Variants in FANCA observed in about 807,000 individuals in gnomAD.
The protein encoded by FANCA is FA complementation group A, also known as Fanconi anemia group A protein.
In FANCA, 236 loss-of-function variants were observed where a neutral mutation model predicts 194.3. That is an observed-to-expected ratio of 1.21 (90% CI 1.09 to 1.35). The LOEUF (loss-of-function observed/expected upper bound fraction) is 1.35, where lower values mean the gene tolerates loss of function less well. Ranked by LOEUF, FANCA falls within the 40% of genes most tolerant of loss-of-function variation. The pLI is 0.00. For missense variants in FANCA, 2,628 were observed against 1,813.9 expected (o/e 1.45, Z -8.15); for synonymous variants, 1,014 against 715.8 (o/e 1.42, Z -6.65).
At position 89,799,653 on chromosome 16, in the gene FANCA, T is replaced by C. The variant is rs772612378; in HGVS notation, c.793-15A>G. On this transcript the variant is annotated splice_polypyrimidine_tract_variant and intron_variant, in intron 8 of 42. Transcript: ENST00000389301. Reference sequence around the variant, plus strand: ...TCAACCGTGACCTGTCAAAATAGAATGTGAGTTACCATCTTGGTAATCTTC... The same window carrying C: ...TCAACCGTGACCTGTCAAAATAGAACGTGAGTTACCATCTTGGTAATCTTC... 6 of 1,607,730 alleles carry C rather than the reference T, an allele frequency of 3.7e-6. No individual in the cohort carries two copies. Among genetic ancestry groups the C allele is most frequent in the Non-Finnish European group, 4.3e-6 (5 of 1,174,562 alleles).
chr16:89,797,447 C>A (rs1331249365), intron 10 of FANCA, among the ~76,000 whole-genome samples: 1 of 152,236 alleles, frequency 6.6e-6, no homozygotes, highest in Non-Finnish European at 1.5e-5. Context: ...GACACTCACA[C>A]AACAGGGTGT....
At chr16:89,808,975 G>A (rs981828154) in intron 5 of FANCA, among the ~76,000 whole-genome samples, 19 of 151,686 alleles carry the variant, frequency 1.3e-4, no homozygotes, top group Middle Eastern at 3.4e-3. Flanking sequence ...GCGCCATCTC[G>A]GGTCACTGTA....
chr16:89,813,456 G>T (rs1436480892), intron 3 of FANCA, among the ~76,000 whole-genome samples: 6 of 150,996 alleles, frequency 4.0e-5, no homozygotes, highest in Admixed American at 3.3e-4. Flanking sequence ...TTCTGAGACA[G>T]AGTTTTGCTC....
rs779218902 is a variant in FANCA at position 89,814,534 on chromosome 16, G to T, written c.269C>A (p.Ser90Tyr). The T allele has an allele frequency of 6.2e-7, 1 of 1,612,030 alleles. No individual in the cohort carries two copies. Among genetic ancestry groups the T allele is most frequent in the African/African-American group, 1.3e-5 (1 of 74,862 alleles). ...CDSSEAYANH[S>Y]SSFIGSALQD... Reference sequence around the variant, plus strand: ...CTATAACTTACCTATAAATGAACTAGAATGATTAGCATAGGCCTCAGAACT... The same window carrying T: ...CTATAACTTACCTATAAATGAACTATAATGATTAGCATAGGCCTCAGAACT... Residue 90 changes from serine (S) to tyrosine (Y), a missense_variant, in exon 3 of 43, where the codon TCT becomes TAT. Ser to Tyr is a moderately radical substitution (Grantham distance 144). Transcript: ENST00000389301.
At chr16:89,741,896 A>C (rs1014840936) in intron 37 of FANCA, among the ~76,000 whole-genome samples, 1 of 152,166 alleles carries the variant, frequency 6.6e-6, no homozygotes, top group Non-Finnish European at 1.5e-5. Context: ...GAGGATAAAA[A>C]TAAGCTGAAG....
Position 89,770,616 on chromosome 16 carries a change from T to G in FANCA, c.2170A>C (p.Thr724Pro), listed in dbSNP as rs2039290343. The change falls in exon 24 of 43, where the codon ACG becomes CCG. Residue 724 changes from threonine (T) to proline (P), a missense_variant. Coordinates refer to ENST00000389301, the MANE Select transcript of FANCA (RefSeq NM_000135.4). ...GCCATCAGGTTCTGACAGAAAGACG[T>G]CAGCAGGAGGTCCACAGCCTGCAGA... ...REHMAVDLLLTSFCQNLMAAS... is the reference protein window; with the variant it reads ...REHMAVDLLLPSFCQNLMAAS... The G allele has an allele frequency of 3.1e-6, 5 of 1,611,320 alleles. No individual in the cohort carries two copies. The East Asian group carries it at 1.1e-4, about 36-fold the overall frequency.
chr16:89,769,362 G>A (rs1463697985), intron 26 of FANCA, among the ~76,000 whole-genome samples: 2 of 152,188 alleles, frequency 1.3e-5, no homozygotes, highest in African/African-American at 4.8e-5. Flanking sequence ...TTGAGGCACT[G>A]AGCAGACCAT....
At position 89,764,934 on chromosome 16, in the gene FANCA, T is replaced by G. The variant is rs1220495259; in HGVS notation, c.2734A>C (p.Thr912Pro). Residue 912 changes from threonine to proline, a missense_variant, in exon 28 of 43, where the codon ACA becomes CCA. Thr to Pro is a conservative substitution (Grantham distance 38). Coordinates refer to ENST00000389301, the MANE Select transcript of FANCA (RefSeq NM_000135.4). The stretch of plus-strand genomic sequence containing the variant: ...AACACCTCTCGGAAGGTTCTGTGTG[T>G]CCAGAGAGAGAGGGCAGCTCTCTGC... ...DWQRAALSLW[T>P]HRTFREVLKE... The G allele has an allele frequency of 2.5e-6, 4 of 1,614,176 alleles. No individual in the cohort carries two copies. The highest frequency in any genetic ancestry group is 3.4e-6 in the Non-Finnish European group (4 of 1,180,018).
At position 89,738,457 on chromosome 16, in the gene FANCA, C is replaced by G. The variant is rs575606938; in HGVS notation, c.*144G>C. Reference sequence around the variant, plus strand: ...AAACGCTGAGTGACTCGGGGCCGGACAGTTCATAAATAATTGATTCCTTTC... The same window carrying G: ...AAACGCTGAGTGACTCGGGGCCGGAGAGTTCATAAATAATTGATTCCTTTC... On this transcript the variant is annotated 3_prime_UTR_variant, in exon 43 of 43. Transcript: ENST00000389301. 221 of 1,417,908 alleles carry G rather than the reference C, an allele frequency of 1.6e-4. No individual in the cohort carries two copies. In the Middle Eastern group the frequency reaches 2.2e-3, roughly 14 times the overall value. 87.8% of individuals were successfully genotyped at this position (1,417,908 alleles called of 1,614,324 possible). A position where few individuals can be genotyped will look rare whatever the true frequency, so the allele number is the denominator to read the frequency against.
chr16:89,809,667 T>C (rs2040800815), intron 5 of FANCA, among the ~76,000 whole-genome samples: 1 of 151,388 alleles, frequency 6.6e-6, no homozygotes, highest in Non-Finnish European at 1.5e-5. Flanking sequence ...CTGACCAACA[T>C]GGAGAAACCC....
At chr16:89,781,868 G>T (rs2039720105) in intron 17 of FANCA, among the ~76,000 whole-genome samples, 1 of 143,328 alleles carries the variant, frequency 7.0e-6, no homozygotes, top group African/African-American at 2.7e-5. Flanking sequence ...AGGCGTGGTG[G>T]CAGGCATCTG....
In FANCA at chr16:89,770,205, A is replaced by G. The variant is rs370053960; in HGVS notation, c.2277T>C (p.Pro759=). The G allele has an allele frequency of 6.3e-7, 1 of 1,594,382 alleles. No homozygotes were observed. Among genetic ancestry groups the G allele is most frequent in the East Asian group, 2.3e-5 (1 of 44,268 alleles). ...GCTGGCAGAGCCGGGTGAGCACTGCAGGGAGCACACGTCCACACATGGTCC... is the reference window on the plus strand; with the variant it reads ...GCTGGCAGAGCCGGGTGAGCACTGCGGGGAGCACACGTCCACACATGGTCC... ...FVRTMCGRVL[P]AVLTRLCQLL... The change falls in exon 25 of 43, where the codon CCT becomes CCC. Residue 759 remains proline (P), a synonymous_variant. Transcript: ENST00000389301.
rs374862766 is a variant in FANCA at position 89,779,044 on chromosome 16, C to A, written c.1716-41G>T. The A allele has an allele frequency of 3.0e-5, 48 of 1,597,424 alleles. No homozygotes were observed. The African/African-American group carries it at 6.3e-4, about 21-fold the overall frequency. On this transcript the variant is annotated intron_variant, in intron 18 of 42. Coordinates refer to ENST00000389301, the MANE Select transcript of FANCA (RefSeq NM_000135.4). ...GCAGACAGTGCATCAGTCAGAGCAG[C>A]GAGAAGGCAATTCCCACAGACGGTG...
At chr16:89,769,582 T>G in intron 26 of FANCA, 1 of 542,638 alleles carries the variant, frequency 1.8e-6, no homozygotes, top group Non-Finnish European at 3.3e-6. Context: ...CTTAACGATA[T>G]AGACAGTTAC....
At chr16:89,798,637 CG>C in intron 10 of FANCA, 2 of 1,185,024 alleles carry the variant, frequency 1.7e-6, no homozygotes, top group Non-Finnish European at 2.1e-6. Flanking sequence ...CCTCAGCTTC[CG>C]CCTCCCGACC....
Position 89,771,636 on chromosome 16 carries a change from ATGG to A in FANCA, c.2151+39_2151+41del, listed in dbSNP as rs1202136944. ...GTCTAATGCCTCTGCCTAATGGAAAATGGTGAAGACCCCCTGCTTTGTTCTGAG... is the reference window on the plus strand; with the variant it reads ...GTCTAATGCCTCTGCCTAATGGAAAATGAAGACCCCCTGCTTTGTTCTGAG... On this transcript the variant is annotated intron_variant, in intron 23 of 42. Coordinates refer to ENST00000389301, the MANE Select transcript of FANCA (RefSeq NM_000135.4). 4 of 1,611,154 alleles carry A rather than the reference ATGG, an allele frequency of 2.5e-6. No homozygotes were observed. In the South Asian group the frequency reaches 4.4e-5, roughly 18 times the overall value.
chr16:89,799,015 C>G (rs2040347045), intron 10 of FANCA, 151 bp downstream of exon 10: 1 of 1,614,226 alleles, frequency 6.2e-7, no homozygotes, highest in South Asian at 1.1e-5. Flanking sequence ...CCATGGTCGC[C>G]TCCTCCTCAC....
Position 89,810,820 on chromosome 16 carries a change from A to G in FANCA, c.427-18T>C. 1.2e-6 allele frequency: 2 copies of G among 1,612,910 alleles called. No individual in the cohort carries two copies. Among genetic ancestry groups the G allele is most frequent in the East Asian group, 2.2e-5 (1 of 44,888 alleles). On this transcript the variant is annotated intron_variant, in intron 4 of 42. Coordinates refer to ENST00000389301, the MANE Select transcript of FANCA (RefSeq NM_000135.4). Reference sequence around the variant, plus strand: ...AGCTTCTTCTGAAAAGAGAGATTACATTTTTTAAAAAACAAATTACCTGAA... The same window carrying G: ...AGCTTCTTCTGAAAAGAGAGATTACGTTTTTTAAAAAACAAATTACCTGAA...
intron 37 of FANCA, among the ~76,000 whole-genome samples, chr16:89,742,520 T>G (rs2062159011): frequency 6.6e-6 from 1 of 151,872 alleles, no homozygotes; most frequent in South Asian, 2.1e-4. Context: ...AAAGTCTTAC[T>G]CCAAGCCAGC....
Sources: allele counts gnomAD v4.1 joint callset (sites outside exome capture counted in the v4.1 genomes callset), GRCh38; gene constraint gnomAD v4.1.1; transcripts MANE v1.5; gene names NCBI Gene and HGNC (gene_info 2026-07-23, HGNC 2026-07-21).